NTNG1: variants seen among roughly 807,000 people sequenced by gnomAD.
The protein encoded by NTNG1 is netrin G1, also known as netrin-G1.
A neutral mutation model predicts 54.0 loss-of-function variants in NTNG1; 16 were observed. That is an observed-to-expected ratio of 0.30 (90% CI 0.20 to 0.45). The LOEUF (loss-of-function observed/expected upper bound fraction) is 0.45, where lower values mean the gene tolerates loss of function less well. NTNG1 is among the 20% of genes least tolerant of loss of function. The pLI is 1.00. For synonymous variants in NTNG1, 255 were observed against 263.1 expected, an observed-to-expected ratio of 0.97 and a Z score of 0.30; for missense variants, 530 against 678.7, an observed-to-expected ratio of 0.78 and a Z score of 2.43.
chr1:107,199,767 A>G (rs1450902155), intron 2 of NTNG1, among the ~76,000 whole-genome samples: 2 of 151,876 alleles, frequency 1.3e-5, no homozygotes, highest in Non-Finnish European at 2.9e-5. Flanking sequence ...TCAGAGACCC[A>G]ACTCTGGTCC....
chr1:107,480,589 T>TTCCC, intron 7 of NTNG1, 22 bp from the exon 8 acceptor site: 1 of 202,794 alleles, frequency 4.9e-6, no homozygotes, highest in Non-Finnish European at 9.4e-6. Context: ...CACCCACCCC[T>TTCCC]ACCTTCCCCC....
rs937191630 is a variant in NTNG1 at position 107,216,700 on chromosome 1, T to G, written c.246+67861T>G. Among the ~76,000 whole-genome samples, 348 of 151,640 alleles carry G rather than the reference T, an allele frequency of 2.3e-3. 1 individual carries two copies. Among genetic ancestry groups the G allele is most frequent in the Non-Finnish European group, 2.4e-3 (164 of 67,880 alleles). On this transcript the variant is annotated intron_variant, in intron 2 of 7. Coordinates refer to ENST00000370068, the MANE Select transcript of NTNG1 (RefSeq NM_001113226.3). ...GAGGATTCCCTCTTTTTTTTTTTTT[T>G]GGGAGTCTTCCTCTGTCGCCCAGCT...
chr1:107,284,163 C>A (rs1257513113), intron 2 of NTNG1, among the ~76,000 whole-genome samples: 3 of 152,030 alleles, frequency 2.0e-5, no homozygotes, highest in African/African-American at 7.2e-5. Context: ...GTGGCTAACA[C>A]GATCTCTTTC....
intron 2 of NTNG1, among the ~76,000 whole-genome samples, chr1:107,256,734 A>G (rs1662960793): frequency 6.6e-6 from 1 of 152,186 alleles, no homozygotes; most frequent in African/African-American, 2.4e-5. Context: ...AAGACAGGGC[A>G]AGGAAGCCGT....
intron 4 of NTNG1, among the ~76,000 whole-genome samples, chr1:107,403,914 T>C (rs1673226669): frequency 6.6e-6 from 1 of 151,898 alleles, no homozygotes; most frequent in Admixed American, 6.6e-5. Context: ...TTTCATTTGT[T>C]ATCACTCTTT....
chr1:107,389,951 C>A (rs1672263872), intron 3 of NTNG1, among the ~76,000 whole-genome samples: 1 of 152,154 alleles, frequency 6.6e-6, no homozygotes, highest in Admixed American at 6.5e-5. Flanking sequence ...CAGAAGTCTG[C>A]CCTCTACACA....
At chr1:107,334,578 G>C (rs1207749430) in intron 3 of NTNG1, among the ~76,000 whole-genome samples, 3 of 151,516 alleles carry the variant, frequency 2.0e-5, no homozygotes, top group African/African-American at 7.3e-5. Flanking sequence ...ACGCCACATA[G>C]AGTCATAGCA....
At chr1:107,390,834 C>G (rs955767160) in intron 3 of NTNG1, among the ~76,000 whole-genome samples, 1 of 152,148 alleles carries the variant, frequency 6.6e-6, no homozygotes, top group Non-Finnish European at 1.5e-5. Context: ...CTCCCAGGAA[C>G]TTATCCTCTA....
chr1:107,311,679 A>G (rs1009999881), intron 2 of NTNG1, among the ~76,000 whole-genome samples: 4 of 152,138 alleles, frequency 2.6e-5, no homozygotes, highest in Admixed American at 2.0e-4. Context: ...TACCTAATTT[A>G]TCCTATCTTC....
chr1:107,324,262 C>T lies in NTNG1; in HGVS notation c.247-20C>T, dbSNP rs537205921. ...GCAAACCAGTGTTTTGATGCACGCT[C>T]TTTTGTTCTTCTTCCATAGGGCAAT... On this transcript the variant is annotated intron_variant, in intron 2 of 7. Transcript: ENST00000370068. 1.1e-5 allele frequency: 18 copies of T among 1,606,794 alleles called. No individual in the cohort carries two copies. Among genetic ancestry groups the T allele is most frequent in the Non-Finnish European group, 1.5e-5 (18 of 1,174,736 alleles).
intron 5 of NTNG1, among the ~76,000 whole-genome samples, chr1:107,415,933 A>G (rs546525465): frequency 5.3e-5 from 8 of 152,292 alleles, no homozygotes; most frequent in Admixed American, 4.6e-4. Flanking sequence ...ACTACATGCT[A>G]AGGTATTAGA....
At chr1:107,436,880 C>A in intron 7 of NTNG1, 81 bp downstream of exon 7, 2 of 1,327,564 alleles carry the variant, frequency 1.5e-6, no homozygotes, top group Admixed American at 2.0e-5. Flanking sequence ...TGCAGCTTCT[C>A]AGAGCAGAAA....
At chr1:107,405,067 C>A (rs529865790) in intron 4 of NTNG1, among the ~76,000 whole-genome samples, 2 of 152,278 alleles carry the variant, frequency 1.3e-5, no homozygotes, top group South Asian at 4.1e-4. Context: ...CATTTCTAGC[C>A]CTTTCCGTCT....
intron 2 of NTNG1, among the ~76,000 whole-genome samples, chr1:107,231,818 A>G (rs1331922767): frequency 7.2e-5 from 11 of 152,200 alleles, no homozygotes; most frequent in Non-Finnish European, 1.2e-4. Context: ...ATTGTTGCCA[A>G]CGAGAATGAA....
At chr1:107,166,462 G>A (rs967938492) in intron 2 of NTNG1, among the ~76,000 whole-genome samples, 14 of 152,134 alleles carry the variant, frequency 9.2e-5, no homozygotes, top group Non-Finnish European at 2.1e-4. Context: ...AATAATGTAG[G>A]TGAAGGTACT....
intron 7 of NTNG1, among the ~76,000 whole-genome samples, chr1:107,447,263 A>G (rs1444042): frequency 0.29 from 44,169 of 151,870 alleles, 6,673 homozygotes; most frequent in Non-Finnish European, 0.3. Context: ...ATGAAAATCA[A>G]TAATATGGAC....
intron 2 of NTNG1, among the ~76,000 whole-genome samples, chr1:107,259,388 AT>A: frequency 6.6e-6 from 1 of 152,194 alleles, no homozygotes; most frequent in South Asian, 2.1e-4. Context: ...TCCTGAAAGG[AT>A]CACCAGTGTT....
chr1:107,147,292 G>A (rs567149659), intron 1 of NTNG1, among the ~76,000 whole-genome samples: 86 of 152,118 alleles, frequency 5.7e-4, no homozygotes, highest in African/African-American at 1.3e-3. Context: ...TAAATTGTGC[G>A]TTTTACTACA....
chr1:107,364,902 T>C (rs1004065390), intron 3 of NTNG1, among the ~76,000 whole-genome samples: 1 of 152,196 alleles, frequency 6.6e-6, no homozygotes, highest in Non-Finnish European at 1.5e-5. Flanking sequence ...CCAGTCCTCA[T>C]TCATTATGTA....
Sources: allele counts gnomAD v4.1 joint callset (sites outside exome capture counted in the v4.1 genomes callset), GRCh38; gene constraint gnomAD v4.1.1; transcripts MANE v1.5; gene names NCBI Gene and HGNC (gene_info 2026-07-23, HGNC 2026-07-21).